The following SLC4A10 variants were observed in gnomAD, a reference collection of about 807,000 sequenced individuals.
SLC4A10 encodes the protein solute carrier family 4 member 10.
A neutral mutation model predicts 137.7 loss-of-function variants in SLC4A10; 42 were observed. The ratio of observed to expected loss-of-function variants is 0.30; its 90% CI spans 0.24 to 0.39. The LOEUF is 0.39. Ranked by LOEUF, SLC4A10 falls within the 10% of genes least tolerant of loss-of-function variation. The pLI, the probability that SLC4A10 is intolerant of heterozygous loss-of-function variation, is 1.00. For synonymous variants in SLC4A10, 474 were observed against 464.1 expected, an observed-to-expected ratio of 1.02 and a Z score of -0.27; for missense variants, 925 against 1,355.0, an observed-to-expected ratio of 0.68 and a Z score of 4.98.
chr2:161,864,207 A>C (rs1365341917), intron 6 of SLC4A10, among the ~76,000 whole-genome samples: 1 of 152,172 alleles, frequency 6.6e-6, no homozygotes, highest in African/African-American at 2.4e-5. Context: ...GTCTCAAAAA[A>C]AAAAAGTTTC....
At chr2:161,705,554 T>G (rs2043566819) in intron 1 of SLC4A10, among the ~76,000 whole-genome samples, 1 of 151,660 alleles carries the variant, frequency 6.6e-6, no homozygotes, top group African/African-American at 2.4e-5. Flanking sequence ...TTCTTGCATC[T>G]CCAAAGTTCA....
intron 1 of SLC4A10, among the ~76,000 whole-genome samples, chr2:161,712,157 T>C (rs895034405): frequency 1.3e-5 from 2 of 151,894 alleles, no homozygotes; most frequent in African/African-American, 4.8e-5. Context: ...GATTCAATTC[T>C]AACATTTACT....
chr2:161,639,750 T>C (rs2035007994), intron 1 of SLC4A10, among the ~76,000 whole-genome samples: 1 of 152,084 alleles, frequency 6.6e-6, no homozygotes, highest in Non-Finnish European at 1.5e-5. Context: ...TTATTCAACA[T>C]AATTCTGGAA....
chr2:161,641,605 G>A (rs190345015), intron 1 of SLC4A10, among the ~76,000 whole-genome samples: 74 of 152,080 alleles, frequency 4.9e-4, no homozygotes, highest in African/African-American at 1.8e-3. Context: ...GAATATAGTA[G>A]TACTTTCTAT....
At chr2:161,844,178 A>G (rs1177054272) in intron 4 of SLC4A10, among the ~76,000 whole-genome samples, 1 of 152,114 alleles carries the variant, frequency 6.6e-6, no homozygotes. Context: ...GAGGCAAAGC[A>G]GGGGGTAGCG....
intron 4 of SLC4A10, among the ~76,000 whole-genome samples, chr2:161,843,379 G>A (rs561726934): frequency 6.6e-6 from 1 of 152,226 alleles, no homozygotes; most frequent in South Asian, 2.1e-4. Flanking sequence ...AGAATAAAAA[G>A]ATAGTCCATT....
intron 1 of SLC4A10, among the ~76,000 whole-genome samples, chr2:161,753,167 T>C (rs1447161843): frequency 6.6e-6 from 1 of 152,156 alleles, no homozygotes; most frequent in Non-Finnish European, 1.5e-5. Context: ...TGGCATAAAA[T>C]ATGAGTCTCA....
At chr2:161,898,140 C>T (rs1559488672) in intron 11 of SLC4A10, among the ~76,000 whole-genome samples, 1 of 152,112 alleles carries the variant, frequency 6.6e-6, no homozygotes, top group Non-Finnish European at 1.5e-5. Flanking sequence ...AATGTTTTAA[C>T]CTCTCTGTTG....
rs534939745 is a variant in SLC4A10 at position 161,873,749 on chromosome 2, G to T, written c.859-167G>T. 1.6e-5 allele frequency: 9 copies of T among 579,566 alleles called. No individual in the cohort carries two copies. The East Asian group carries it at 1.6e-4, about 10-fold the overall frequency. 35.9% of individuals were successfully genotyped at this position (579,566 alleles called of 1,614,324 possible). On this transcript the variant is annotated intron_variant, in intron 7 of 26. Coordinates refer to ENST00000446997, the MANE Select transcript of SLC4A10 (RefSeq NM_001178015.2). ...AGTAGAGGAAGTAGCCTGAATCAAG[G>T]TTCTGAAAAGATTAATAGTGATCAG...
At chr2:161,914,728 T>C (rs1175800847) in intron 15 of SLC4A10, among the ~76,000 whole-genome samples, 1 of 152,182 alleles carries the variant, frequency 6.6e-6, no homozygotes, top group African/African-American at 2.4e-5. Flanking sequence ...ATGATATGAC[T>C]CAATGTTATA....
rs987446057 is a variant in SLC4A10 at position 161,860,149 on chromosome 2, T to C, written c.578-2725T>C. 9.2e-5 allele frequency among the ~76,000 whole-genome samples: 14 copies of C among 152,230 alleles called. 1 individual carries two copies. Among genetic ancestry groups the C allele is most frequent in the Non-Finnish European group, 1.8e-4 (12 of 68,032 alleles). On this transcript the variant is annotated intron_variant, in intron 5 of 26. Transcript: ENST00000446997. ...TTCTTAAGCAAAATGAGTAATTTTT[T>C]CCAGACAAGTAGATATAATTTGATA... is the stretch of plus-strand genomic sequence containing the variant.
chr2:161,734,334 G>C (rs1372177904), intron 1 of SLC4A10, among the ~76,000 whole-genome samples: 1 of 152,100 alleles, frequency 6.6e-6, no homozygotes, highest in African/African-American at 2.4e-5. Context: ...CCCTACTACT[G>C]TTCTCGTGGT....
At chr2:161,860,235 GT>G (rs1448193197) in intron 5 of SLC4A10, among the ~76,000 whole-genome samples, 2 of 152,054 alleles carry the variant, frequency 1.3e-5, no homozygotes, top group African/African-American at 4.8e-5. Flanking sequence ...AGATGAGTGT[GT>G]TTTTTAATAT....
intron 2 of SLC4A10, among the ~76,000 whole-genome samples, chr2:161,797,672 A>C (rs967711433): frequency 6.6e-6 from 1 of 151,986 alleles, no homozygotes; most frequent in African/African-American, 2.4e-5. Context: ...TTTAGGTTTC[A>C]TTCACTTATT....
chr2:161,803,421 T>G (rs963668262), intron 2 of SLC4A10, among the ~76,000 whole-genome samples: 2 of 152,130 alleles, frequency 1.3e-5, no homozygotes, highest in African/African-American at 2.4e-5. Context: ...GTTATACAGT[T>G]CTATTGGTCT....
At chr2:161,865,207 T>A (rs550326167) in intron 6 of SLC4A10, among the ~76,000 whole-genome samples, 1 of 152,014 alleles carries the variant, frequency 6.6e-6, no homozygotes, top group Non-Finnish European at 1.5e-5. Context: ...ATTGGAGCAA[T>A]GATTTATTGT....
intron 1 of SLC4A10, among the ~76,000 whole-genome samples, chr2:161,657,180 T>C (rs1356044055): frequency 1.3e-5 from 2 of 152,126 alleles, no homozygotes; most frequent in Non-Finnish European, 2.9e-5. Flanking sequence ...GAATATTGAG[T>C]AGAAAGATAA....
At chr2:161,723,133 C>A (rs2045868263) in intron 1 of SLC4A10, among the ~76,000 whole-genome samples, 1 of 152,162 alleles carries the variant, frequency 6.6e-6, no homozygotes. Flanking sequence ...CCTGAGCCTG[C>A]CGAGAGTCCT....
intron 1 of SLC4A10, among the ~76,000 whole-genome samples, chr2:161,727,732 A>G (rs1559120413): frequency 6.6e-6 from 1 of 152,176 alleles, no homozygotes; most frequent in African/African-American, 2.4e-5. Context: ...AGGAAGGTGG[A>G]AAATAGAATA....
Sources: allele counts gnomAD v4.1 joint callset (sites outside exome capture counted in the v4.1 genomes callset), GRCh38; gene constraint gnomAD v4.1.1; transcripts MANE v1.5; gene names NCBI Gene and HGNC (gene_info 2026-07-23, HGNC 2026-07-21).